The following TRPM1 variants were observed in gnomAD, a reference collection of about 807,000 sequenced individuals.
TRPM1 encodes TRPM1-203 APA Isoform, Intron 10.
In TRPM1, 113 loss-of-function variants were observed where a neutral mutation model predicts 149.4. The observed-to-expected ratio is 0.76, with a 90% confidence interval of 0.65 to 0.88. The LOEUF is 0.88. TRPM1 is among the 40% of genes least tolerant of loss of function. The pLI, the probability that TRPM1 is intolerant of heterozygous loss-of-function variation, is 0.00. For missense variants in TRPM1, 1,976 were observed against 2,038.7 expected (o/e 0.97, Z 0.59); for synonymous variants, 741 against 759.5 (o/e 0.98, Z 0.40).
chr15:31,130,350 T>G (rs929644192), intron 1 of TRPM1, among the ~76,000 whole-genome samples: 2 of 152,218 alleles, frequency 1.3e-5, no homozygotes, highest in Non-Finnish European at 2.9e-5. Flanking sequence ...GCTTCTAACC[T>G]CCAAACTGTC....
chr15:31,159,184 T>A (rs1730640885), intron 1 of TRPM1, among the ~76,000 whole-genome samples: 1 of 152,174 alleles, frequency 6.6e-6, no homozygotes. Context: ...AAGGAGGTGC[T>A]GTTTTTCAGT....
chr15:31,119,639 CTG>C (rs1407933453), intron 1 of TRPM1, among the ~76,000 whole-genome samples: 1 of 149,820 alleles, frequency 6.7e-6, no homozygotes, highest in East Asian at 1.9e-4. Context: ...TAACAGATAA[CTG>C]TTTGTACAAA....
rs1204000181 is a variant in TRPM1, at chr15:31,031,909, G to T, written c.2953-752C>A. On this transcript the variant is annotated intron_variant, in intron 22 of 27. Coordinates refer to ENST00000256552, the MANE Select transcript of TRPM1 (RefSeq NM_001252024.2). Reference sequence around the variant, plus strand: ...GTGTTCACTCCAGGCCAGAGTAAATGAGCTGAAGATCATCTGGAGTACAGG... The same window carrying T: ...GTGTTCACTCCAGGCCAGAGTAAATTAGCTGAAGATCATCTGGAGTACAGG... Among the ~76,000 whole-genome samples, 3 of 151,934 alleles carry T rather than the reference G, an allele frequency of 2.0e-5. No homozygotes were observed. The East Asian group carries it at 5.8e-4, about 29-fold the overall frequency.
chr15:31,021,990 C>G (rs1338898943), intron 27 of TRPM1, among the ~76,000 whole-genome samples: 2 of 152,084 alleles, frequency 1.3e-5, no homozygotes, highest in African/African-American at 4.8e-5. Flanking sequence ...ATTTCAAAAT[C>G]CTATAGTAAT....
chr15:31,049,106 T>C (rs2033862647), intron 13 of TRPM1, among the ~76,000 whole-genome samples: 1 of 152,118 alleles, frequency 6.6e-6, no homozygotes, highest in Non-Finnish European at 1.5e-5. Context: ...TCCCTCTTTG[T>C]AGCAACAAGT....
chr15:31,088,766 CA>C (rs1442589712), intron 1 of TRPM1, among the ~76,000 whole-genome samples: 3 of 149,048 alleles, frequency 2.0e-5, no homozygotes, highest in African/African-American at 7.4e-5. Flanking sequence ...GGAACGTTCC[CA>C]ACCATGGTAT....
At chr15:31,091,669 A>C (rs2035244464) in intron 1 of TRPM1, among the ~76,000 whole-genome samples, 1 of 152,022 alleles carries the variant, frequency 6.6e-6, no homozygotes, top group South Asian at 2.1e-4. Context: ...CCCCCCAAAG[A>C]GGTTCACATG....
At chr15:31,070,548 C>T (rs2034512917) in intron 3 of TRPM1, 8 of 552,728 alleles carry the variant, frequency 1.4e-5, no homozygotes, top group South Asian at 1.3e-4. Flanking sequence ...TAGACATGCC[C>T]TCCGAACATA....
At chr15:31,100,042 G>A (rs1354007543) in intron 1 of TRPM1, among the ~76,000 whole-genome samples, 2 of 151,462 alleles carry the variant, frequency 1.3e-5, no homozygotes, top group African/African-American at 4.8e-5. Flanking sequence ...CACAATTTAT[G>A]CAAATATTCT....
At chr15:31,134,477 G>T (rs973587653) in intron 1 of TRPM1, among the ~76,000 whole-genome samples, 1 of 152,154 alleles carries the variant, frequency 6.6e-6, no homozygotes, top group Non-Finnish European at 1.5e-5. Flanking sequence ...CATTTGTAAA[G>T]GTGTCTGCCT....
At chr15:31,069,825 G>A (rs775661525) in intron 4 of TRPM1, 2 of 1,518,622 alleles carry the variant, frequency 1.3e-6, no homozygotes, top group East Asian at 2.3e-5. Context: ...CGGGACACTA[G>A]ATGTTCTTTA....
At chr15:31,016,496 T>G (rs958103247) in intron 27 of TRPM1, among the ~76,000 whole-genome samples, 2 of 152,204 alleles carry the variant, frequency 1.3e-5, no homozygotes, top group African/African-American at 4.8e-5. Flanking sequence ...GTTTTTATTT[T>G]TCACATTATG....
At chr15:31,090,340 A>G (rs2035200933) in intron 1 of TRPM1, among the ~76,000 whole-genome samples, 1 of 152,130 alleles carries the variant, frequency 6.6e-6, no homozygotes, top group African/African-American at 2.4e-5. Context: ...TATTTTCCAT[A>G]TGAAACTGCA....
At chr15:31,131,500 CATGTGCGATA>C (rs1301300539) in intron 1 of TRPM1, among the ~76,000 whole-genome samples, 2 of 152,174 alleles carry the variant, frequency 1.3e-5, no homozygotes, top group Non-Finnish European at 2.9e-5. Context: ...TTTCGGCCAC[CATGTGCGATA>C]AGAGCTTAGT....
chr15:31,148,606 C>A lies in TRPM1; in HGVS notation c.54+12300G>T, dbSNP rs80106785. Among the ~76,000 whole-genome samples, 1,483 of 152,278 alleles carry A rather than the reference C, an allele frequency of 9.7e-3. 17 individuals are homozygous for A. Among genetic ancestry groups the A allele is most frequent in the African/African-American group, 0.034 (1,413 of 41,548 alleles). On this transcript the variant is annotated intron_variant, in intron 1 of 26. Coordinates refer to the TRPM1 transcript ENST00000542188. ...CATCAAAAACTCCCATGCCTCACCA[C>A]GAAGAATGAAGAGACAGAAAAGCAG...
At chr15:31,093,395 G>C (rs971302122) in intron 1 of TRPM1, among the ~76,000 whole-genome samples, 1 of 151,568 alleles carries the variant, frequency 6.6e-6, no homozygotes, top group African/African-American at 2.4e-5. Context: ...ATGTATTTCT[G>C]TACAGCAAAA....
At chr15:31,038,514 A>C (rs1352971211) in intron 18 of TRPM1, among the ~76,000 whole-genome samples, 1 of 152,216 alleles carries the variant, frequency 6.6e-6, no homozygotes, top group African/African-American at 2.4e-5. Flanking sequence ...GGAGTTTGAG[A>C]CCAGCCTGGC....
chr15:31,106,915 C>T (rs564827629), intron 1 of TRPM1, among the ~76,000 whole-genome samples: 124 of 152,230 alleles, frequency 8.1e-4, no homozygotes, highest in Admixed American at 1.3e-3. Context: ...CCTTGTTTTC[C>T]CACAGCCTCA....
At chr15:31,074,829 C>A (rs187714755) in intron 3 of TRPM1, among the ~76,000 whole-genome samples, 1 of 152,038 alleles carries the variant, frequency 6.6e-6, no homozygotes, top group African/African-American at 2.4e-5. Context: ...TTTCCCTGTC[C>A]GTACTACTTT....
Sources: allele counts gnomAD v4.1 joint callset (sites outside exome capture counted in the v4.1 genomes callset), GRCh38; gene constraint gnomAD v4.1.1; transcripts MANE v1.5; gene names NCBI Gene and HGNC (gene_info 2026-07-23, HGNC 2026-07-21).